SORBS2: variants seen among roughly 807,000 people sequenced by gnomAD.
SORBS2 encodes the protein sorbin and SH3 domain-containing protein 2.
In SORBS2, 46 loss-of-function variants were observed where a neutral mutation model predicts 97.7. The ratio of observed to expected loss-of-function variants is 0.47; its 90% CI spans 0.37 to 0.60. The LOEUF (loss-of-function observed/expected upper bound fraction) is 0.60, where lower values mean the gene tolerates loss of function less well. Ranked by LOEUF, SORBS2 falls within the 20% of genes least tolerant of loss-of-function variation. The probability of loss-of-function intolerance (pLI) is 0.00; values close to 1 mark genes in which losing one functional copy is unlikely to be tolerated. For missense variants in SORBS2, 1,316 were observed against 1,282.3 expected (o/e 1.03, Z -0.40); for synonymous variants, 476 against 473.4 (o/e 1.01, Z -0.07).
chr4:185,920,065 A>G (rs2099260248), intron 1 of SORBS2, among the ~76,000 whole-genome samples: 1 of 152,254 alleles, frequency 6.6e-6, no homozygotes, highest in African/African-American at 2.4e-5. Context: ...TTGACAAAAA[A>G]ATTATTCTAA....
chr4:185,824,517 T>G (rs981719121), intron 1 of SORBS2, among the ~76,000 whole-genome samples: 1 of 152,122 alleles, frequency 6.6e-6, no homozygotes, highest in African/African-American at 2.4e-5. Flanking sequence ...CCATAACAGT[T>G]ATGGTGTTAC....
intron 1 of SORBS2, among the ~76,000 whole-genome samples, chr4:185,788,768 A>G (rs1003923347): frequency 6.6e-6 from 1 of 152,216 alleles, no homozygotes; most frequent in Non-Finnish European, 1.5e-5. Flanking sequence ...GCTCTTCACC[A>G]ACGGTGCCCA....
intron 1 of SORBS2, among the ~76,000 whole-genome samples, chr4:185,795,084 AC>A (rs1442746289): frequency 6.6e-6 from 1 of 152,140 alleles, no homozygotes; most frequent in Non-Finnish European, 1.5e-5. Context: ...GAGCATGTGC[AC>A]CTGACCCTGT....
chr4:185,620,892 T>C (rs1340858134), intron 7 of SORBS2, among the ~76,000 whole-genome samples: 2 of 152,242 alleles, frequency 1.3e-5, no homozygotes, highest in African/African-American at 4.8e-5. Context: ...TTATGAAATA[T>C]TGAATTATTT....
chr4:185,896,863 C>T lies in SORBS2; in HGVS notation c.-338+59333G>A, dbSNP rs935005720. On this transcript the variant is annotated intron_variant, in intron 1 of 20. Transcript: ENST00000284776. ...CCCAGTGATGCCAGTGATACCTGCCCTAAATTACAAATGCTGCTTACACAT... is the reference window on the plus strand; with the variant it reads ...CCCAGTGATGCCAGTGATACCTGCCTTAAATTACAAATGCTGCTTACACAT... 6.8e-5 allele frequency among the ~76,000 whole-genome samples: 10 copies of T among 147,720 alleles called. No individual in the cohort carries two copies. In the East Asian group the frequency reaches 2.0e-3, roughly 30 times the overall value.
intron 14 of SORBS2, among the ~76,000 whole-genome samples, chr4:185,588,490 T>G (rs1213356807): frequency 1.3e-5 from 2 of 151,948 alleles, no homozygotes; most frequent in South Asian, 2.1e-4. Flanking sequence ...CGGATAAGGG[T>G]CTCTCAAGCT....
chr4:185,804,671 G>A (rs1389834756), intron 1 of SORBS2, among the ~76,000 whole-genome samples: 1 of 151,968 alleles, frequency 6.6e-6, no homozygotes, highest in Non-Finnish European at 1.5e-5. Context: ...AAAACTCTTG[G>A]GATGGTAGCA....
At chr4:185,804,213 A>G (rs2099143234) in intron 1 of SORBS2, among the ~76,000 whole-genome samples, 1 of 152,204 alleles carries the variant, frequency 6.6e-6, no homozygotes. Flanking sequence ...TCCTGATGAA[A>G]GTCACATGGA....
chr4:185,872,360 A>G (rs967816003), intron 1 of SORBS2, among the ~76,000 whole-genome samples: 1 of 152,190 alleles, frequency 6.6e-6, no homozygotes, highest in African/African-American at 2.4e-5. Flanking sequence ...TGGGCAAACC[A>G]CACGCATAGC....
chr4:185,617,525 T>TTATA (rs71593641), intron 9 of SORBS2, among the ~76,000 whole-genome samples: 10 of 150,824 alleles, frequency 6.6e-5, no homozygotes, highest in African/African-American at 2.2e-4. Context: ...ATTTTGGTTA[T>TTATA]TATATATATA....
chr4:185,613,268 A>C (rs1258429602), intron 11 of SORBS2, among the ~76,000 whole-genome samples: 1 of 152,166 alleles, frequency 6.6e-6, no homozygotes, highest in Non-Finnish European at 1.5e-5. Context: ...TTCGACCTTG[A>C]GTAGCACTTG....
At chr4:185,604,925 C>T (rs530126361) in intron 12 of SORBS2, among the ~76,000 whole-genome samples, 244 of 152,220 alleles carry the variant, frequency 1.6e-3, no homozygotes, top group Middle Eastern at 3.4e-3. Context: ...CGTGGCCCCG[C>T]GTGCAGGGTG....
intron 2 of SORBS2, among the ~76,000 whole-genome samples, chr4:185,755,884 C>T (rs888988020): frequency 1.3e-5 from 2 of 152,178 alleles, no homozygotes; most frequent in Non-Finnish European, 2.9e-5. Flanking sequence ...CATACCTCCT[C>T]ATGTTTATTA....
In SORBS2 at chr4:185,680,986, A is replaced by G. The variant is rs187169188; in HGVS notation, c.-197-2164T>C. The stretch of plus-strand genomic sequence containing the variant: ...ATGAATCTGTCCCTGTGCCACTGGA[A>G]ACATTAGACAGTAAGAGGGGTGGGC... On this transcript the variant is annotated intron_variant, in intron 2 of 20. Transcript: ENST00000284776. Among the ~76,000 whole-genome samples, 3 of 152,240 alleles carry G rather than the reference A, an allele frequency of 2.0e-5. No homozygotes were observed. In the East Asian group the frequency reaches 5.8e-4, roughly 29 times the overall value.
intron 6 of SORBS2, among the ~76,000 whole-genome samples, chr4:185,625,341 G>T (rs1185606891): frequency 6.6e-6 from 1 of 152,158 alleles, no homozygotes; most frequent in Non-Finnish European, 1.5e-5. Flanking sequence ...CTATGGAAAT[G>T]TTCTTTTGCT....
intron 1 of SORBS2, among the ~76,000 whole-genome samples, chr4:185,849,387 T>C (rs1372250118): frequency 2.0e-5 from 3 of 152,208 alleles, no homozygotes; most frequent in Non-Finnish European, 4.4e-5. Flanking sequence ...TTTTCATTAT[T>C]TCTGTCCAAT....
At position 185,848,911 on chromosome 4, in the gene SORBS2, A is replaced by AT. The variant is rs2099216208; in HGVS notation, c.-337-73546_-337-73545insA. On this transcript the variant is annotated intron_variant, in intron 1 of 20. Transcript: ENST00000284776. Reference sequence around the variant, plus strand: ...TGAGATTATTAGATGCAGTGAGATGAACCAAACTAAAATATCTCTTGTAGC... The same window carrying AT: ...TGAGATTATTAGATGCAGTGAGATGATACCAAACTAAAATATCTCTTGTAGC... Among the ~76,000 whole-genome samples, 2 of 152,138 alleles carry AT rather than the reference A, an allele frequency of 1.3e-5. 1 individual carries two copies. The highest frequency in any genetic ancestry group is 4.1e-4 in the South Asian group (2 of 4,828).
At chr4:185,774,417 A>AG (rs2098989493) in intron 2 of SORBS2, 1 of 152,228 alleles carries the variant, frequency 6.6e-6, no homozygotes, top group South Asian at 2.1e-4. Context: ...TTAAACCAAA[A>AG]GGAAAAAAAA....
intron 1 of SORBS2, among the ~76,000 whole-genome samples, chr4:185,889,559 C>T (rs1270445148): frequency 1.3e-5 from 2 of 152,088 alleles, no homozygotes; most frequent in East Asian, 1.9e-4. Flanking sequence ...ATCTCTGCTT[C>T]GATTCAAAAT....
Sources: gnomAD v4.1 joint callset for allele counts (sites outside exome capture counted in the v4.1 genomes callset) on GRCh38, gnomAD v4.1.1 for gene constraint, MANE v1.5 for transcripts, NCBI Gene and HGNC (gene_info 2026-07-23, HGNC 2026-07-21) for gene names.